The following LSAMP variants were observed in gnomAD, a reference collection of about 807,000 sequenced individuals.
LSAMP encodes limbic system associated membrane protein.
LSAMP carries 7 observed loss-of-function variants against 38.6 expected under a neutral mutation model. That is an observed-to-expected ratio of 0.18 (90% CI 0.10 to 0.34). The LOEUF (loss-of-function observed/expected upper bound fraction) is 0.34, where lower values mean the gene tolerates loss of function less well. Ranked by LOEUF, LSAMP falls within the 10% of genes least tolerant of loss-of-function variation. The pLI, the probability that LSAMP is intolerant of heterozygous loss-of-function variation, is 1.00. For missense variants in LSAMP, 313 were observed against 420.0 expected (o/e 0.75, Z 2.23); for synonymous variants, 154 against 166.8 (o/e 0.92, Z 0.59).
intron 3 of LSAMP, among the ~76,000 whole-genome samples, chr3:115,987,629 T>C (rs1188199683): frequency 6.6e-6 from 1 of 152,174 alleles, no homozygotes; most frequent in Non-Finnish European, 1.5e-5. Flanking sequence ...TTAGAAAACA[T>C]TTATCAGATA....
At chr3:115,976,752 G>T (rs1322359236) in intron 3 of LSAMP, among the ~76,000 whole-genome samples, 2 of 152,116 alleles carry the variant, frequency 1.3e-5, no homozygotes, top group East Asian at 3.9e-4. Context: ...CATGCATCCT[G>T]ATGGTTTAAA....
At chr3:116,304,691 T>G (rs1289602079) in intron 1 of LSAMP, among the ~76,000 whole-genome samples, 2 of 152,130 alleles carry the variant, frequency 1.3e-5, no homozygotes, top group East Asian at 3.8e-4. Context: ...TAGGGAAAAT[T>G]AATTTTGGGG....
intron 1 of LSAMP, among the ~76,000 whole-genome samples, chr3:116,409,522 C>A (rs1358522881): frequency 6.6e-6 from 1 of 151,940 alleles, no homozygotes; most frequent in Admixed American, 6.6e-5. Flanking sequence ...TAGAATCTGC[C>A]CCCTGCAATC....
intron 3 of LSAMP, among the ~76,000 whole-genome samples, chr3:115,918,317 G>A (rs1248698884): frequency 1.3e-5 from 2 of 152,174 alleles, no homozygotes; most frequent in Non-Finnish European, 2.9e-5. Flanking sequence ...GAAATGAAAT[G>A]TACAAGATTT....
chr3:116,048,914 C>T (rs931685101), intron 2 of LSAMP, among the ~76,000 whole-genome samples: 2 of 152,044 alleles, frequency 1.3e-5, no homozygotes, highest in Non-Finnish European at 2.9e-5. Flanking sequence ...AGAAGACATG[C>T]AATTAAAAAT....
rs894260543 is a variant in LSAMP, at chr3:115,864,296, C to T, written c.515-11679G>A. Among the ~76,000 whole-genome samples the T allele has an allele frequency of 2.0e-5, 3 of 152,176 alleles. No individual in the cohort carries two copies. In the South Asian group the frequency reaches 6.2e-4, roughly 32 times the overall value. ...CTCTTTGATCCTTGTTACTGGCAGT[C>T]AGATTGCACTCCAGTTCCCAGCTGG... On this transcript the variant is annotated intron_variant, in intron 3 of 6. Coordinates refer to ENST00000490035, the MANE Select transcript of LSAMP (RefSeq NM_002338.5).
intron 3 of LSAMP, among the ~76,000 whole-genome samples, chr3:115,989,232 A>C (rs1298432614): frequency 2.0e-5 from 3 of 152,292 alleles, no homozygotes; most frequent in Middle Eastern, 3.4e-3. Context: ...TGCTAACCAC[A>C]TTCCTGGTGA....
At chr3:116,140,066 A>T (rs1364329149) in intron 1 of LSAMP, among the ~76,000 whole-genome samples, 1 of 152,030 alleles carries the variant, frequency 6.6e-6, no homozygotes, top group East Asian at 1.9e-4. Context: ...GTCCCTGAAC[A>T]CTAGGTTAGA....
At chr3:116,189,180 C>T (rs1410496909) in intron 1 of LSAMP, among the ~76,000 whole-genome samples, 1 of 152,164 alleles carries the variant, frequency 6.6e-6, no homozygotes, top group Non-Finnish European at 1.5e-5. Context: ...GAAGGCCACT[C>T]TGAGGAGGGG....
At chr3:115,838,849 C>CA (rs1357004501) in intron 6 of LSAMP, among the ~76,000 whole-genome samples, 1 of 152,216 alleles carries the variant, frequency 6.6e-6, no homozygotes, top group Non-Finnish European at 1.5e-5. Flanking sequence ...GTCAGCTCAT[C>CA]ACTGTGGTGG....
chr3:116,193,114 A>G (rs1337430283), intron 1 of LSAMP, among the ~76,000 whole-genome samples: 1 of 152,204 alleles, frequency 6.6e-6, no homozygotes, highest in East Asian at 1.9e-4. Context: ...TCATATACAT[A>G]AACTTACTAT....
intron 3 of LSAMP, among the ~76,000 whole-genome samples, chr3:115,857,030 T>C (rs1935528217): frequency 6.6e-6 from 1 of 152,190 alleles, no homozygotes; most frequent in African/African-American, 2.4e-5. Flanking sequence ...AGTTCTCTTT[T>C]ACTGGGGAAG....
chr3:115,956,771 A>G (rs4569653), intron 3 of LSAMP, among the ~76,000 whole-genome samples: 131,324 of 152,182 alleles, frequency 0.86, 59,451 homozygotes, highest in East Asian at 0.99. Context: ...CAGCATATCA[A>G]AAGTCCTCAA....
At chr3:116,409,089 G>A (rs1255205638) in intron 1 of LSAMP, among the ~76,000 whole-genome samples, 1 of 152,006 alleles carries the variant, frequency 6.6e-6, no homozygotes, top group African/African-American at 2.4e-5. Context: ...GCTAAAAAGT[G>A]TCTATCATGT....
In LSAMP at chr3:116,366,013, TAAAAAAAAAAA is replaced by T. The variant is rs67452614; in HGVS notation, c.155+78853_155+78863del. ...ATGTACCCTAAAACTTAGAGTATAA[TAAAAAAAAAAA>T]AAAAAAAAAAAAAAAGAACTTCTGC... On this transcript the variant is annotated intron_variant, in intron 1 of 6. Transcript: ENST00000490035. 4.2e-4 allele frequency among the ~76,000 whole-genome samples: 12 copies of T among 28,686 alleles called. 1 individual carries two copies. Among genetic ancestry groups the T allele is most frequent in the Admixed American group, 1.3e-3 (2 of 1,542 alleles). 18.8% of individuals were successfully genotyped at this position (28,686 alleles called of 152,430 possible).
At chr3:116,223,359 G>C in intron 1 of LSAMP, among the ~76,000 whole-genome samples, 1 of 152,160 alleles carries the variant, frequency 6.6e-6, no homozygotes, top group East Asian at 1.9e-4. Context: ...ACCAGGAACT[G>C]TTTTAACCAG....
At chr3:115,954,966 T>G (rs112156148) in intron 3 of LSAMP, among the ~76,000 whole-genome samples, 57,697 of 151,330 alleles carry the variant, frequency 0.38, 12,165 homozygotes, top group South Asian at 0.62. Flanking sequence ...TTTGTTTTTT[T>G]TTTTTTGAGA....
chr3:115,895,613 G>A (rs1056258262), intron 3 of LSAMP, among the ~76,000 whole-genome samples: 35 of 152,054 alleles, frequency 2.3e-4, no homozygotes, highest in Non-Finnish European at 2.5e-4. Context: ...CGGATCTATG[G>A]AATGGAAGGA....
At chr3:115,853,500 A>G (rs1576149998) in intron 3 of LSAMP, among the ~76,000 whole-genome samples, 1 of 152,248 alleles carries the variant, frequency 6.6e-6, no homozygotes. Flanking sequence ...AGAAATCTCA[A>G]CTTAAGAAAC....
Sources: gnomAD v4.1 joint callset for allele counts (sites outside exome capture counted in the v4.1 genomes callset) on GRCh38, gnomAD v4.1.1 for gene constraint, MANE v1.5 for transcripts, NCBI Gene and HGNC (gene_info 2026-07-23, HGNC 2026-07-21) for gene names.